The following RAP1A variants were observed in gnomAD, a reference collection of about 807,000 sequenced individuals.
RAP1A encodes RAP1A, member of RAS oncogene family.
RAP1A carries 6 observed loss-of-function variants against 26.4 expected under a neutral mutation model. The ratio of observed to expected loss-of-function variants is 0.23; its 90% CI spans 0.12 to 0.45. The LOEUF is 0.45. Ranked by LOEUF, RAP1A falls within the 20% of genes least tolerant of loss-of-function variation. RAP1A has a pLI of 0.99. For synonymous variants in RAP1A, 73 were observed against 79.4 expected, an observed-to-expected ratio of 0.92 and a Z score of 0.43; for missense variants, 121 against 217.2, an observed-to-expected ratio of 0.56 and a Z score of 2.78.
At chr1:111,609,116 A>G (rs1286407229) in intron 1 of RAP1A, among the ~76,000 whole-genome samples, 1 of 152,208 alleles carries the variant, frequency 6.6e-6, no homozygotes, top group Non-Finnish European at 1.5e-5. Flanking sequence ...AGCTCAGAGG[A>G]TGAACAGAGG....
intron 1 of RAP1A, among the ~76,000 whole-genome samples, chr1:111,685,184 T>C (rs1346662932): frequency 6.6e-6 from 1 of 152,082 alleles, no homozygotes; most frequent in Non-Finnish European, 1.5e-5. Context: ...GAAGATAACC[T>C]AGGCGATACC....
chr1:111,573,900 A>G (rs913477473), intron 1 of RAP1A, among the ~76,000 whole-genome samples: 4 of 151,978 alleles, frequency 2.6e-5, no homozygotes, highest in Non-Finnish European at 4.4e-5. Flanking sequence ...CTCCCATTCT[A>G]TACTTTGTCT....
intron 6 of RAP1A, among the ~76,000 whole-genome samples, chr1:111,707,528 A>C (rs1277320125): frequency 6.6e-6 from 1 of 152,236 alleles, no homozygotes; most frequent in Non-Finnish European, 1.5e-5. Flanking sequence ...TGTCTTACAC[A>C]ACCACAGCAC....
intron 1 of RAP1A, among the ~76,000 whole-genome samples, chr1:111,651,774 G>C (rs1476490839): frequency 6.6e-6 from 1 of 151,998 alleles, no homozygotes; most frequent in East Asian, 1.9e-4. Context: ...GCCACGCCCA[G>C]CTAATGTTTT....
intron 1 of RAP1A, among the ~76,000 whole-genome samples, chr1:111,599,381 A>AT (rs1658624512): frequency 6.6e-6 from 1 of 151,826 alleles, no homozygotes; most frequent in South Asian, 2.1e-4. Flanking sequence ...AATTTTTTGT[A>AT]TTTTTAGTAG....
At chr1:111,592,816 C>A (rs1658493470) in intron 1 of RAP1A, among the ~76,000 whole-genome samples, 1 of 152,148 alleles carries the variant, frequency 6.6e-6, no homozygotes, top group Non-Finnish European at 1.5e-5. Flanking sequence ...TCTGCCCCAC[C>A]CCCTCCCATC....
intron 1 of RAP1A, among the ~76,000 whole-genome samples, chr1:111,669,026 GAA>G (rs58557062): frequency 2.1e-3 from 41 of 19,822 alleles, no homozygotes; most frequent in Non-Finnish European, 3.8e-3. Flanking sequence ...CCTATCTCAA[GAA>G]AAAAAAAAAA....
At chr1:111,634,791 C>T (rs944640929) in intron 1 of RAP1A, among the ~76,000 whole-genome samples, 9 of 151,876 alleles carry the variant, frequency 5.9e-5, no homozygotes, top group Admixed American at 2.0e-4. Flanking sequence ...ATTACAGGCA[C>T]GCACCGCCAC....
intron 7 of RAP1A, among the ~76,000 whole-genome samples, chr1:111,710,974 G>C (rs887815105): frequency 3.3e-5 from 5 of 152,154 alleles, no homozygotes; most frequent in African/African-American, 4.8e-5. Flanking sequence ...TGGGACTTCA[G>C]GTGTGCACCA....
chr1:111,676,573 A>G (rs964516926), intron 1 of RAP1A, among the ~76,000 whole-genome samples: 5 of 152,142 alleles, frequency 3.3e-5, no homozygotes, highest in Admixed American at 6.5e-5. Flanking sequence ...TGTGATTTAC[A>G]TGTAATAAAA....
intron 1 of RAP1A, among the ~76,000 whole-genome samples, chr1:111,609,638 C>CT (rs1007185037): frequency 5.9e-5 from 9 of 151,964 alleles, no homozygotes; most frequent in East Asian, 3.9e-4. Context: ...TATTGATTGA[C>CT]TTTTTTTTGT....
intron 1 of RAP1A, among the ~76,000 whole-genome samples, chr1:111,646,431 A>C (rs1054503049): frequency 2.2e-5 from 3 of 135,076 alleles, no homozygotes; most frequent in African/African-American, 3.3e-5. Flanking sequence ...AAAAAAAAAA[A>C]AAACAAAACA....
intron 1 of RAP1A, among the ~76,000 whole-genome samples, chr1:111,592,862 T>A (rs1459020398): frequency 6.6e-6 from 1 of 152,142 alleles, no homozygotes; most frequent in Non-Finnish European, 1.5e-5. Context: ...CTGTTTTGGC[T>A]CTGCGTGGCT....
At chr1:111,626,742 A>G (rs987840741) in intron 1 of RAP1A, among the ~76,000 whole-genome samples, 1 of 152,146 alleles carries the variant, frequency 6.6e-6, no homozygotes, top group African/African-American at 2.4e-5. Flanking sequence ...TGGTTTTTCC[A>G]TTTTTGCATG....
At chr1:111,633,613 C>G (rs1236294888) in intron 1 of RAP1A, among the ~76,000 whole-genome samples, 1 of 152,194 alleles carries the variant, frequency 6.6e-6, no homozygotes, top group South Asian at 2.1e-4. Context: ...AGTATATACT[C>G]TTAAAAAGTT....
intron 1 of RAP1A, among the ~76,000 whole-genome samples, chr1:111,572,158 A>G (rs114151033): frequency 6.6e-6 from 1 of 152,354 alleles, no homozygotes; most frequent in African/African-American, 2.4e-5. Flanking sequence ...CAGCCAGGGT[A>G]TGCTGCGGCA....
At chr1:111,678,315 T>G (rs1396122412) in intron 1 of RAP1A, among the ~76,000 whole-genome samples, 1 of 152,228 alleles carries the variant, frequency 6.6e-6, no homozygotes, top group Non-Finnish European at 1.5e-5. Flanking sequence ...GGTATATAAG[T>G]CTTGCACATA....
chr1:111,567,738 C>T lies in RAP1A; in HGVS notation c.-28+25229C>T, dbSNP rs78750622. 9.7e-3 allele frequency among the ~76,000 whole-genome samples: 1,475 copies of T among 152,324 alleles called. 129 individuals carry two copies. In the East Asian group the frequency reaches 0.21, roughly 22 times the overall value. ...TATCTTCCCCACCACAACCCCCAACCTCTGCAGGGCAGTGGAAAGGCAGAG... is the reference window on the plus strand; with the variant it reads ...TATCTTCCCCACCACAACCCCCAACTTCTGCAGGGCAGTGGAAAGGCAGAG... On this transcript the variant is annotated intron_variant, in intron 1 of 7. Transcript: ENST00000356415.
chr1:111,655,978 C>A (rs972681723), intron 1 of RAP1A, among the ~76,000 whole-genome samples: 1 of 151,902 alleles, frequency 6.6e-6, no homozygotes, highest in African/African-American at 2.4e-5. Flanking sequence ...GCTGAGCCAC[C>A]GCGCCCGGCC....
Sources: allele counts gnomAD v4.1 joint callset (sites outside exome capture counted in the v4.1 genomes callset), GRCh38; gene constraint gnomAD v4.1.1; transcripts MANE v1.5; gene names NCBI Gene and HGNC (gene_info 2026-07-23, HGNC 2026-07-21).